Variants in EFCAB6 observed in about 807,000 individuals in gnomAD.
EFCAB6 encodes EF-hand calcium binding domain 6, also known as EF-hand calcium-binding domain-containing protein 6.
In EFCAB6, 156 loss-of-function variants were observed where a neutral mutation model predicts 169.8. The ratio of observed to expected loss-of-function variants is 0.92; its 90% CI spans 0.81 to 1.05. EFCAB6 has a LOEUF of 1.05. EFCAB6 is among the 50% of genes least tolerant of loss of function. The pLI is 0.00. For synonymous variants in EFCAB6, 698 were observed against 676.4 expected, an observed-to-expected ratio of 1.03 and a Z score of -0.50; for missense variants, 1,800 against 1,829.1, an observed-to-expected ratio of 0.98 and a Z score of 0.29.
intron 2 of EFCAB6, among the ~76,000 whole-genome samples, chr22:43,783,258 G>T (rs1388316624): frequency 1.3e-5 from 2 of 152,168 alleles, no homozygotes; most frequent in African/African-American, 4.8e-5. Context: ...GCAAATAATA[G>T]GCAACCAAAA....
At chr22:43,545,016 G>A (rs1379389361) in intron 27 of EFCAB6, among the ~76,000 whole-genome samples, 2 of 152,066 alleles carry the variant, frequency 1.3e-5, no homozygotes, top group Admixed American at 6.6e-5. Context: ...GCGTGGTGGC[G>A]GGCGCCTGTA....
chr22:43,608,280 C>A (rs905680938), intron 22 of EFCAB6, among the ~76,000 whole-genome samples: 1 of 152,104 alleles, frequency 6.6e-6, no homozygotes, highest in Non-Finnish European at 1.5e-5. Flanking sequence ...TACTGAAGAC[C>A]AACCCATCCA....
intron 24 of EFCAB6, among the ~76,000 whole-genome samples, chr22:43,589,266 G>A (rs1370812876): frequency 1.1e-5 from 1 of 91,466 alleles, no homozygotes; most frequent in African/African-American, 4.1e-5. Flanking sequence ...GGGTAACAGA[G>A]GGAGACTTCA....
chr22:43,610,932 A>C (rs2053255381), intron 21 of EFCAB6, among the ~76,000 whole-genome samples: 2 of 152,194 alleles, frequency 1.3e-5, no homozygotes, highest in African/African-American at 4.8e-5. Flanking sequence ...TGTCCCCAAA[A>C]CTGGAGAGAC....
chr22:43,709,065 C>T (rs183536074), intron 10 of EFCAB6, among the ~76,000 whole-genome samples: 2 of 152,300 alleles, frequency 1.3e-5, no homozygotes, highest in Admixed American at 1.3e-4. Flanking sequence ...GTCTTTCTAG[C>T]TTGGGACAAT....
At chr22:43,590,475 T>C (rs990112937) in intron 23 of EFCAB6, among the ~76,000 whole-genome samples, 1 of 152,208 alleles carries the variant, frequency 6.6e-6, no homozygotes, top group Non-Finnish European at 1.5e-5. Flanking sequence ...AAATTACAAC[T>C]TTGTCTTTGT....
At chr22:43,593,789 C>T (rs1362891187) in intron 23 of EFCAB6, among the ~76,000 whole-genome samples, 1 of 152,102 alleles carries the variant, frequency 6.6e-6, no homozygotes, top group African/African-American at 2.4e-5. Context: ...AAATGACAGA[C>T]AGGAGACAGA....
chr22:43,775,166 G>A (rs1390013987), intron 3 of EFCAB6, among the ~76,000 whole-genome samples: 1 of 152,090 alleles, frequency 6.6e-6, no homozygotes, highest in African/African-American at 2.4e-5. Flanking sequence ...AGAGAGGATG[G>A]AACACCTGCG....
chr22:43,649,103 C>A (rs967684990), intron 17 of EFCAB6, among the ~76,000 whole-genome samples: 6 of 152,034 alleles, frequency 3.9e-5, no homozygotes, highest in Admixed American at 3.9e-4. Context: ...ATACAGAGCC[C>A]GAGGGGGAAA....
chr22:43,627,318 G>A (rs1316479483), intron 19 of EFCAB6, among the ~76,000 whole-genome samples: 1 of 152,208 alleles, frequency 6.6e-6, no homozygotes, highest in Non-Finnish European at 1.5e-5. Context: ...GATGTGTGAT[G>A]GAGCGTGCAC....
At chr22:43,540,641 G>A in intron 27 of EFCAB6, 1 of 1,153,834 alleles carries the variant, frequency 8.7e-7, no homozygotes, top group African/African-American at 1.6e-5. Context: ...ATTAAATCTT[G>A]TGATTAGTCA....
chr22:43,547,918 C>T (rs866298597), intron 27 of EFCAB6, among the ~76,000 whole-genome samples: 1 of 151,892 alleles, frequency 6.6e-6, no homozygotes, highest in Non-Finnish European at 1.5e-5. Context: ...GGTGAAACCC[C>T]GTCTCTAGTA....
At chr22:43,717,164 C>T (rs1474782075) in intron 8 of EFCAB6, among the ~76,000 whole-genome samples, 192 bp from the exon 9 acceptor site, 1 of 152,084 alleles carries the variant, frequency 6.6e-6, no homozygotes, top group Non-Finnish European at 1.5e-5. Context: ...TAATCATCTA[C>T]TCACTATCTT....
At chr22:43,603,281 T>C (rs1011670073) in intron 22 of EFCAB6, among the ~76,000 whole-genome samples, 2 of 152,254 alleles carry the variant, frequency 1.3e-5, no homozygotes, top group South Asian at 4.1e-4. Context: ...TGAATGTGAT[T>C]AATAAGAGAG....
At chr22:43,597,503 G>A (rs1478080155) in intron 23 of EFCAB6, among the ~76,000 whole-genome samples, 1 of 152,132 alleles carries the variant, frequency 6.6e-6, no homozygotes, top group African/African-American at 2.4e-5. Context: ...AATGCTCAAG[G>A]TCACTGATCA....
chr22:43,647,167 A>T, intron 17 of EFCAB6, among the ~76,000 whole-genome samples: 2 of 131,028 alleles, frequency 1.5e-5, no homozygotes. Context: ...AATTCTTGTA[A>T]GAAAGTCTAG....
chr22:43,539,298 G>A (rs900881310), intron 28 of EFCAB6, among the ~76,000 whole-genome samples: 3 of 152,068 alleles, frequency 2.0e-5, no homozygotes, highest in South Asian at 4.1e-4. Context: ...TCTACTTACC[G>A]CCTTTTAATG....
intron 27 of EFCAB6, chr22:43,553,539 A>G (rs1325375093): frequency 6.6e-6 from 1 of 152,368 alleles, no homozygotes; most frequent in African/African-American, 2.4e-5. Context: ...ATTCAGCAGC[A>G]TGTACTGAGC....
intron 6 of EFCAB6, among the ~76,000 whole-genome samples, chr22:43,737,943 T>C (rs1263202879): frequency 3.4e-5 from 5 of 147,064 alleles, no homozygotes; most frequent in Admixed American, 2.0e-4. Context: ...CACACCTGCA[T>C]ATACTTGCAT....
Sources: gnomAD v4.1 joint callset for allele counts (sites outside exome capture counted in the v4.1 genomes callset) on GRCh38, gnomAD v4.1.1 for gene constraint, MANE v1.5 for transcripts, NCBI Gene and HGNC (gene_info 2026-07-23, HGNC 2026-07-21) for gene names.